Variants in ANKRD31 observed in about 807,000 individuals in gnomAD.
ANKRD31 encodes ankyrin repeat domain 31.
ANKRD31 carries 147 observed loss-of-function variants against 186.0 expected under a neutral mutation model. The ratio of observed to expected loss-of-function variants is 0.79; its 90% CI spans 0.69 to 0.91. The LOEUF (loss-of-function observed/expected upper bound fraction) is 0.91. Ranked by LOEUF, ANKRD31 falls within the 40% of genes least tolerant of loss-of-function variation. ANKRD31 has a pLI of 0.00. For missense variants in ANKRD31, 1,986 were observed against 2,148.8 expected (o/e 0.92, Z 1.50); for synonymous variants, 673 against 736.4 (o/e 0.91, Z 1.39).
intron 3 of ANKRD31, among the ~76,000 whole-genome samples, chr5:75,216,062 A>C (rs1283373300): frequency 6.6e-6 from 1 of 152,150 alleles, no homozygotes; most frequent in Non-Finnish European, 1.5e-5. Context: ...AAGTTAAAGG[A>C]GGTATCTATT....
At chr5:75,122,514 T>C (rs1292080777) in intron 17 of ANKRD31, among the ~76,000 whole-genome samples, 1 of 150,762 alleles carries the variant, frequency 6.6e-6, no homozygotes, top group Non-Finnish European at 1.5e-5. Flanking sequence ...CTGATGAAGA[T>C]AGATGCAGAA....
chr5:75,080,812 C>A (rs914638205), intron 24 of ANKRD31, among the ~76,000 whole-genome samples, 173 bp from the exon 25 acceptor site: 3 of 152,130 alleles, frequency 2.0e-5, no homozygotes, highest in African/African-American at 7.2e-5. Flanking sequence ...CTTCCTACTT[C>A]CCCTTATTTC....
At chr5:75,071,786 C>T (rs1744251278) in intron 25 of ANKRD31, among the ~76,000 whole-genome samples, 1 of 152,088 alleles carries the variant, frequency 6.6e-6, no homozygotes, top group Admixed American at 6.6e-5. Context: ...GTATGAGCCA[C>T]CGCGCCCGGC....
intron 23 of ANKRD31, among the ~76,000 whole-genome samples, chr5:75,085,194 C>T (rs552864939): frequency 1.9e-3 from 285 of 152,244 alleles, no homozygotes; most frequent in Non-Finnish European, 2.9e-3. Context: ...ACTCATATTT[C>T]TGTCATGGTA....
chr5:75,170,631 T>C (rs1422623605), intron 10 of ANKRD31, among the ~76,000 whole-genome samples: 1 of 152,106 alleles, frequency 6.6e-6, no homozygotes, highest in South Asian at 2.1e-4. Context: ...TAGTACCCAA[T>C]AGATAGTTTT....
At chr5:75,224,037 A>G (rs1271793139) in intron 2 of ANKRD31, among the ~76,000 whole-genome samples, 2 of 150,874 alleles carry the variant, frequency 1.3e-5, no homozygotes, top group African/African-American at 4.9e-5. Context: ...AGATCAAACC[A>G]TCCAGTCTAT....
chr5:75,083,499 C>A (rs892714106), intron 24 of ANKRD31, among the ~76,000 whole-genome samples: 1 of 152,118 alleles, frequency 6.6e-6, no homozygotes, highest in Admixed American at 6.6e-5. Flanking sequence ...GAGGCTGAGG[C>A]GGGCAGATCA....
At chr5:75,145,323 G>T (rs1457099165) in intron 14 of ANKRD31, among the ~76,000 whole-genome samples, 1 of 152,056 alleles carries the variant, frequency 6.6e-6, no homozygotes, top group South Asian at 2.1e-4. Flanking sequence ...CAATACCAAA[G>T]ACCTGAAACC....
chr5:75,207,570 G>A (rs1012452899), intron 4 of ANKRD31, among the ~76,000 whole-genome samples: 10 of 151,888 alleles, frequency 6.6e-5, no homozygotes, highest in Non-Finnish European at 4.4e-5. Flanking sequence ...GGTATTATAA[G>A]GTCATCAAAA....
chr5:75,172,243 G>T (rs905927685), intron 10 of ANKRD31, among the ~76,000 whole-genome samples: 1 of 151,712 alleles, frequency 6.6e-6, no homozygotes, highest in African/African-American at 2.4e-5. Flanking sequence ...TGTAAGGTTG[G>T]TTTAACATTT....
At chr5:75,076,264 T>G (rs964794977) in intron 25 of ANKRD31, among the ~76,000 whole-genome samples, 14 of 152,172 alleles carry the variant, frequency 9.2e-5, no homozygotes, top group African/African-American at 2.9e-4. Flanking sequence ...AGACACCAGT[T>G]GCAGATATCA....
At chr5:75,141,020 AG>A (rs1361663755) in intron 15 of ANKRD31, among the ~76,000 whole-genome samples, 4 of 152,188 alleles carry the variant, frequency 2.6e-5, no homozygotes, top group African/African-American at 9.7e-5. Context: ...AGATTCTTTG[AG>A]GGTAGGGCCC....
At chr5:75,172,861 A>G (rs1753456427) in intron 10 of ANKRD31, among the ~76,000 whole-genome samples, 1 of 152,136 alleles carries the variant, frequency 6.6e-6, no homozygotes, top group Non-Finnish European at 1.5e-5. Flanking sequence ...AACAGAAAAA[A>G]AGGGAATCTT....
chr5:75,137,219 A>G (rs963213840), intron 17 of ANKRD31, among the ~76,000 whole-genome samples: 1 of 152,212 alleles, frequency 6.6e-6, no homozygotes, highest in African/African-American at 2.4e-5. Flanking sequence ...AAATAGTAAC[A>G]ATAGAAAAAA....
intron 23 of ANKRD31, among the ~76,000 whole-genome samples, chr5:75,087,896 C>A (rs576175089): frequency 6.2e-4 from 95 of 152,280 alleles, no homozygotes; most frequent in African/African-American, 2.2e-3. Context: ...CCTCCCCATT[C>A]CAGACTCTTT....
intron 25 of ANKRD31, among the ~76,000 whole-genome samples, chr5:75,077,053 G>A (rs1026436164): frequency 2.6e-5 from 4 of 152,176 alleles, no homozygotes; most frequent in African/African-American, 7.2e-5. Flanking sequence ...ATATGGTGAT[G>A]GAGTATTACA....
chr5:75,069,240 A>C (rs941258635), intron 25 of ANKRD31, among the ~76,000 whole-genome samples: 3 of 150,360 alleles, frequency 2.0e-5, no homozygotes, highest in African/African-American at 7.4e-5. Flanking sequence ...ATGGTCCTAA[A>C]ACTGGTTTCT....
intron 2 of ANKRD31, among the ~76,000 whole-genome samples, chr5:75,228,209 A>G (rs1175577089): frequency 5.3e-5 from 8 of 152,222 alleles, no homozygotes; most frequent in Non-Finnish European, 1.0e-4. Context: ...CACTTTCTCC[A>G]TTAGTAGCAT....
chr5:75,175,389 A>G (rs74449492), intron 10 of ANKRD31, among the ~76,000 whole-genome samples: 2,368 of 152,274 alleles, frequency 0.016, 76 homozygotes, highest in African/African-American at 0.054. Flanking sequence ...TTAAAAAAAG[A>G]ATAGACTCCT....
Sources: allele counts gnomAD v4.1 joint callset (sites outside exome capture counted in the v4.1 genomes callset), GRCh38; gene constraint gnomAD v4.1.1; transcripts MANE v1.5; gene names NCBI Gene and HGNC (gene_info 2026-07-23, HGNC 2026-07-21).